Variants in RTL9 observed in about 807,000 individuals in gnomAD.
The protein encoded by RTL9 is retrotransposon Gag-like protein 9.
Under a neutral mutation model 44.7 loss-of-function variants are expected in RTL9, and 19 were observed. The observed-to-expected ratio is 0.42, with a 90% CI of 0.30 to 0.62. The LOEUF (loss-of-function observed/expected upper bound fraction) is 0.62, where lower values mean the gene tolerates loss of function less well. RTL9 is among the 20% of genes least tolerant of loss of function. RTL9 has a pLI of 0.16. For synonymous variants in RTL9, 407 were observed against 398.9 expected (o/e 1.02, Z -0.24); for missense variants, 1,105 against 1,080.6 (o/e 1.02, Z -0.32).
intron 1 of RTL9, among the ~76,000 whole-genome samples, chrX:110,386,126 A>C (rs1194932948): frequency 9.0e-6 from 1 of 110,703 alleles, no homozygotes; most frequent in African/African-American, 3.3e-5. Context: ...ATATGTTTTT[A>C]AATCTCTTGG....
chrX:110,448,901 T>C (rs769625069), upstream of RTL9, among the ~76,000 whole-genome samples: 1 of 111,658 alleles, frequency 9.0e-6, no homozygotes, highest in Admixed American at 9.5e-5. Context: ...GGTGGGAAAC[T>C]GTGGCATGTT....
In RTL9 at chrX:110,454,429, G is replaced by A. The variant is rs34064910; in HGVS notation, c.3812G>A (p.Arg1271Gln). ...TTGTCTTGGTCTGATGCCATTCTACGGACCAGGTTTCTGGAAGGACTCTCA... is the reference window on the plus strand; with the variant it reads ...TTGTCTTGGTCTGATGCCATTCTACAGACCAGGTTTCTGGAAGGACTCTCA... The change falls in exon 1 of 2, where the codon CGG becomes CAG. Residue 1271 changes from arginine (R) to glutamine (Q), a missense_variant. Physicochemically the swap from Arg to Gln is conservative, Grantham distance 43 (BLOSUM62 1). Coordinates refer to ENST00000540313, the Ensembl canonical transcript of RTL9. 3.8e-5 allele frequency: 46 copies of A among 1,209,988 alleles called. No individual in the cohort carries two copies. Among genetic ancestry groups the A allele is most frequent in the African/African-American group, 2.4e-4 (14 of 57,286 alleles).
At chrX:110,452,873 T>C (rs1444663523) in exon 1 of RTL9, 1 of 1,211,367 alleles carries the variant, frequency 8.3e-7, no homozygotes. Context: ...CAACCTCTGA[T>C]GTGATGTCCA....
At chrX:110,376,032 G>T (rs936574110) in intron 1 of RTL9, among the ~76,000 whole-genome samples, 6 of 111,571 alleles carry the variant, frequency 5.4e-5, no homozygotes, top group African/African-American at 2.0e-4. Flanking sequence ...TCATTTTAGT[G>T]ATGTGGAAAC....
intron 1 of RTL9, among the ~76,000 whole-genome samples, chrX:110,441,230 A>G (rs1031564978): frequency 8.9e-6 from 1 of 111,900 alleles, no homozygotes; most frequent in Non-Finnish European, 1.9e-5. Context: ...CAAATGTTGT[A>G]AAGAGTAACT....
chrX:110,437,820 C>G (rs1358613382), intron 1 of RTL9, among the ~76,000 whole-genome samples: 1 of 108,550 alleles, frequency 9.2e-6, no homozygotes, highest in African/African-American at 3.6e-5. Context: ...ATTGTTAGAT[C>G]TGTTTGTTCC....
chrX:110,449,010 G>T (rs1035658172), upstream of RTL9, among the ~76,000 whole-genome samples: 2 of 110,265 alleles, frequency 1.8e-5, no homozygotes, highest in African/African-American at 3.3e-5. Context: ...AATAACCAGG[G>T]TGTCAGCAGG....
intron 1 of RTL9, among the ~76,000 whole-genome samples, chrX:110,369,617 A>G (rs2068323605): frequency 9.0e-6 from 1 of 111,346 alleles, no homozygotes; most frequent in Admixed American, 9.5e-5. Flanking sequence ...CACTCAAGGT[A>G]AAAGCTAGAG....
intron 1 of RTL9, among the ~76,000 whole-genome samples, chrX:110,427,580 G>A (rs1019531342): frequency 1.8e-5 from 2 of 111,789 alleles, no homozygotes; most frequent in African/African-American, 6.5e-5. Flanking sequence ...AAGTTCTAAT[G>A]CCTCTCCTGC....
exon 1 of RTL9, chrX:110,451,155 C>T: frequency 8.3e-7 from 1 of 1,211,968 alleles, no homozygotes; most frequent in Non-Finnish European, 1.1e-6. Flanking sequence ...GGTGTGTACA[C>T]CTATAATGAG....
chrX:110,399,238 C>T (rs950545912), intron 1 of RTL9, among the ~76,000 whole-genome samples: 1 of 112,589 alleles, frequency 8.9e-6, no homozygotes, highest in African/African-American at 3.2e-5. Flanking sequence ...ATTCTCAGAA[C>T]AACCCTTCAA....
chrX:110,452,389 T>G, exon 1 of RTL9: 3 of 1,211,228 alleles, frequency 2.5e-6, no homozygotes, highest in Non-Finnish European at 3.4e-6. Context: ...ACATCCACGC[T>G]GTTAATGAGA....
chrX:110,399,840 TA>T (rs2148295291), intron 1 of RTL9, among the ~76,000 whole-genome samples: 1 of 111,984 alleles, frequency 8.9e-6, no homozygotes, highest in African/African-American at 3.2e-5. Flanking sequence ...CGAAGATAAT[TA>T]AAAAATGTTC....
At chrX:110,445,224 G>T (rs1289638451) in exon 2 of RTL9, 1 of 112,406 alleles carries the variant, frequency 8.9e-6, no homozygotes, top group African/African-American at 3.2e-5. Context: ...AGACAGACCC[G>T]AGTGACAAGC....
exon 1 of RTL9, chrX:110,451,135 C>T (rs374690856): frequency 4.1e-6 from 5 of 1,210,730 alleles, no homozygotes; most frequent in Admixed American, 2.2e-5. Context: ...CCAGCTCCAT[C>T]CTCTGGAGTG....
exon 1 of RTL9, chrX:110,453,050 A>T: frequency 8.3e-7 from 1 of 1,210,687 alleles, no homozygotes. Context: ...CGCCTCTGAG[A>T]TCCCCAGCTT....
chrX:110,452,150 C>G, exon 1 of RTL9: 1 of 1,211,955 alleles, frequency 8.3e-7, no homozygotes, highest in Non-Finnish European at 1.1e-6. Context: ...GAGCAATGTC[C>G]ACCCAACCAG....
intron 1 of RTL9, among the ~76,000 whole-genome samples, chrX:110,375,527 T>C (rs1232561343): frequency 9.4e-6 from 1 of 106,561 alleles, no homozygotes; most frequent in Non-Finnish European, 1.9e-5. Flanking sequence ...CAGTAAATAT[T>C]GGATGAATAG....
At chrX:110,451,592 G>A (rs752005831) in exon 1 of RTL9, 1 of 1,211,724 alleles carries the variant, frequency 8.3e-7, no homozygotes, top group African/African-American at 1.7e-5. Flanking sequence ...CACCGCTACT[G>A]TCAGTCCCAG....
Sources: allele counts gnomAD v4.1 joint callset (sites outside exome capture counted in the v4.1 genomes callset), GRCh38; gene constraint gnomAD v4.1.1; transcripts MANE v1.5; gene names NCBI Gene and HGNC (gene_info 2026-07-23, HGNC 2026-07-21).